The following SLC25A12 variants were observed in gnomAD, a reference collection of about 807,000 sequenced individuals.
The protein encoded by SLC25A12 is electrogenic aspartate/glutamate antiporter SLC25A12, mitochondrial.
SLC25A12 carries 32 observed loss-of-function variants against 83.3 expected under a neutral mutation model. That is an observed-to-expected ratio of 0.38 (90% CI 0.29 to 0.52). The LOEUF (loss-of-function observed/expected upper bound fraction) is 0.52. Ranked by LOEUF, SLC25A12 falls within the 20% of genes least tolerant of loss-of-function variation. SLC25A12 has a pLI of 0.84. For missense variants in SLC25A12, 611 were observed against 835.6 expected (o/e 0.73, Z 3.31); for synonymous variants, 267 against 291.1 (o/e 0.92, Z 0.84).
At chr2:171,852,701 A>G in intron 4 of SLC25A12, 1 of 455,296 alleles carries the variant, frequency 2.2e-6, no homozygotes, top group East Asian at 6.9e-5. Flanking sequence ...ATAAAAATAA[A>G]CTCGAAGTTA....
chr2:171,802,049 G>A (rs1378891343), intron 13 of SLC25A12, among the ~76,000 whole-genome samples: 1 of 151,766 alleles, frequency 6.6e-6, no homozygotes, highest in African/African-American at 2.4e-5. Flanking sequence ...AAAACCTACT[G>A]TTACATATTT....
At position 171,854,329 on chromosome 2, in the gene SLC25A12, G is replaced by A. The variant is rs1573984695; in HGVS notation, c.325+1505C>T. ...CAGGCCTGTAATCCCAGCACTTTGG[G>A]AGGCCGAGACAGACGGATCATGAGG... is the stretch of plus-strand genomic sequence containing the variant. On this transcript the variant is annotated intron_variant, in intron 4 of 17. Coordinates refer to ENST00000422440, the MANE Select transcript of SLC25A12 (RefSeq NM_003705.5). Among the ~76,000 whole-genome samples the A allele has an allele frequency of 2.0e-5, 3 of 152,148 alleles. No individual in the cohort carries two copies. In the East Asian group the frequency reaches 5.8e-4, roughly 29 times the overall value.
At chr2:171,876,115 T>C (rs930391432) in intron 2 of SLC25A12, among the ~76,000 whole-genome samples, 3 of 152,142 alleles carry the variant, frequency 2.0e-5, no homozygotes, top group African/African-American at 7.2e-5. Context: ...TGACATGTAC[T>C]GAAACAGGCT....
At chr2:171,815,055 C>T in intron 10 of SLC25A12, 66 bp downstream of exon 10, 1 of 1,305,812 alleles carries the variant, frequency 7.7e-7, no homozygotes, top group Non-Finnish European at 1.1e-6. Context: ...TGCTGATCTG[C>T]CTCAGTCTGG....
intron 9 of SLC25A12, among the ~76,000 whole-genome samples, chr2:171,817,573 C>T (rs1041209803): frequency 1.7e-5 from 2 of 118,644 alleles, no homozygotes; most frequent in Non-Finnish European, 3.2e-5. Flanking sequence ...TGCACTCCAG[C>T]CTGAGTGACA....
intron 13 of SLC25A12, among the ~76,000 whole-genome samples, chr2:171,796,991 T>A (rs1683610705): frequency 6.6e-6 from 1 of 152,342 alleles, no homozygotes; most frequent in East Asian, 1.9e-4. Flanking sequence ...GGGACTATGA[T>A]GTTATCAAAC....
At chr2:171,799,397 G>A (rs1172027976) in intron 13 of SLC25A12, among the ~76,000 whole-genome samples, 1 of 152,214 alleles carries the variant, frequency 6.6e-6, no homozygotes, top group Non-Finnish European at 1.5e-5. Context: ...TCCTGGGGAT[G>A]AGAGGTGGAA....
chr2:171,787,805 A>G lies in SLC25A12; in HGVS notation c.1728T>C (p.Phe576=), dbSNP rs1452641178. The G allele has an allele frequency of 1.2e-6, 2 of 1,614,084 alleles. No homozygotes were observed. Among genetic ancestry groups the G allele is most frequent in the African/African-American group, 1.3e-5 (1 of 74,924 alleles). The part of the protein sequence containing the change: ...KILREEGPSA[F]WKGTAARVFR... ...CCTGCCTACCTGCAGTCCCTTTCCA[A>G]AATGCTGAGGGCCCTTCTTCCCGGA... The change falls in exon 16 of 18, where the codon TTT becomes TTC. Residue 576 remains phenylalanine (F), a synonymous_variant. Coordinates refer to ENST00000422440, the MANE Select transcript of SLC25A12 (RefSeq NM_003705.5).
chr2:171,836,417 T>C (rs1684558213), intron 6 of SLC25A12, among the ~76,000 whole-genome samples: 1 of 152,114 alleles, frequency 6.6e-6, no homozygotes, highest in Admixed American at 6.6e-5. Flanking sequence ...TGTGAGGAAG[T>C]GGATGACATG....
intron 9 of SLC25A12, among the ~76,000 whole-genome samples, chr2:171,817,154 T>C (rs1349550329): frequency 6.6e-6 from 1 of 152,176 alleles, no homozygotes; most frequent in Non-Finnish European, 1.5e-5. Flanking sequence ...TTCTAGCCTC[T>C]AGAACTATGA....
intron 2 of SLC25A12, among the ~76,000 whole-genome samples, chr2:171,883,745 C>T (rs1244877136): frequency 6.6e-6 from 1 of 152,180 alleles, no homozygotes; most frequent in East Asian, 1.9e-4. Context: ...CTCCTAAGGG[C>T]CCTTCACTGA....
chr2:171,874,434 A>ATGG (rs1323834568), intron 2 of SLC25A12, among the ~76,000 whole-genome samples: 2 of 152,210 alleles, frequency 1.3e-5, no homozygotes. Context: ...AAATGGGATT[A>ATGG]TGGTGATCTT....
intron 9 of SLC25A12, among the ~76,000 whole-genome samples, chr2:171,823,025 G>A (rs550233109): frequency 3.9e-5 from 6 of 152,282 alleles, no homozygotes; most frequent in East Asian, 3.9e-4. Context: ...GTTAAGGTTA[G>A]CATTACTGAA....
Position 171,784,415 on chromosome 2 carries a change from T to C in SLC25A12, c.*859A>G, listed in dbSNP as rs940381406. ...ATTTTTGACTGGAATCATATCCATA[T>C]GAAGGGAAATTGTGAAAGTATCCTT... On this transcript the variant is annotated 3_prime_UTR_variant, in exon 18 of 18. Coordinates refer to ENST00000422440, the MANE Select transcript of SLC25A12 (RefSeq NM_003705.5). 1 of 152,248 alleles carries C rather than the reference T, an allele frequency of 6.6e-6. No individual in the cohort carries two copies. The highest frequency in any genetic ancestry group is 1.5e-5 in the Non-Finnish European group (1 of 68,044). 9.4% of individuals were successfully genotyped at this position (152,248 alleles called of 1,614,324 possible).
chr2:171,804,958 T>G (rs1683793062), intron 13 of SLC25A12, among the ~76,000 whole-genome samples: 1 of 152,242 alleles, frequency 6.6e-6, no homozygotes, highest in South Asian at 2.1e-4. Context: ...CTGCATTTCT[T>G]TCTGTGTTGA....
chr2:171,883,222 A>C (rs752608237), intron 2 of SLC25A12, among the ~76,000 whole-genome samples: 3 of 152,226 alleles, frequency 2.0e-5, no homozygotes, highest in Non-Finnish European at 4.4e-5. Flanking sequence ...AAGAGAAGGA[A>C]AGAGACAAGG....
At chr2:171,881,178 A>T (rs1685686796) in intron 2 of SLC25A12, among the ~76,000 whole-genome samples, 1 of 151,494 alleles carries the variant, frequency 6.6e-6, no homozygotes, top group African/African-American at 2.4e-5. Flanking sequence ...GTTGAGACGG[A>T]GTCTCACTCA....
At chr2:171,851,630 G>A (rs1401559317) in intron 4 of SLC25A12, among the ~76,000 whole-genome samples, 1 of 151,468 alleles carries the variant, frequency 6.6e-6, no homozygotes, top group Non-Finnish European at 1.5e-5. Flanking sequence ...CACCTCCCAG[G>A]CTCAAGTAAT....
chr2:171,818,307 T>C (rs1231620473), intron 9 of SLC25A12, among the ~76,000 whole-genome samples: 1 of 152,050 alleles, frequency 6.6e-6, no homozygotes, highest in East Asian at 1.9e-4. Context: ...ATTATGGTCG[T>C]AAAGTTTGAT....
Sources: gnomAD v4.1 joint callset for allele counts (sites outside exome capture counted in the v4.1 genomes callset) on GRCh38, gnomAD v4.1.1 for gene constraint, MANE v1.5 for transcripts, NCBI Gene and HGNC (gene_info 2026-07-23, HGNC 2026-07-21) for gene names.